PRKG1: variants seen among roughly 807,000 people sequenced by gnomAD.
The protein encoded by PRKG1 is protein kinase cGMP-dependent 1.
PRKG1 carries 35 observed loss-of-function variants against 88.1 expected under a neutral mutation model. That is an observed-to-expected ratio of 0.40 (90% CI 0.30 to 0.53). The LOEUF is 0.53. Ranked by LOEUF, PRKG1 falls within the 20% of genes least tolerant of loss-of-function variation. The pLI, the probability that PRKG1 is intolerant of heterozygous loss-of-function variation, is 0.59. For synonymous variants in PRKG1, 303 were observed against 292.5 expected, an observed-to-expected ratio of 1.04 and a Z score of -0.37; for missense variants, 540 against 839.8, an observed-to-expected ratio of 0.64 and a Z score of 4.41.
At chr10:51,370,270 A>C (rs910119439) in intron 2 of PRKG1, among the ~76,000 whole-genome samples, 1 of 152,070 alleles carries the variant, frequency 6.6e-6, no homozygotes, top group African/African-American at 2.4e-5. Flanking sequence ...CCCCACAGGT[A>C]CTTTTTTCTT....
chr10:51,152,469 C>T (rs141347410), intron 1 of PRKG1, among the ~76,000 whole-genome samples: 1 of 151,966 alleles, frequency 6.6e-6, no homozygotes, highest in Admixed American at 6.6e-5. Flanking sequence ...CTTTTTTAAT[C>T]CAAAATATTA....
chr10:51,858,262 T>TA (rs1436159559), intron 4 of PRKG1, among the ~76,000 whole-genome samples: 2 of 19,192 alleles, frequency 1.0e-4, no homozygotes, highest in South Asian at 1.9e-3. Flanking sequence ...ATTATACATA[T>TA]ATATAATATT....
rs1303140736 is a variant in PRKG1, at chr10:50,991,374, A to G, written c.-5A>G. ...AAAAGTTTCGCGGAGGGGCTCAGTG[A>G]AAAAATGAGCGAGCTAGAGGAAGAC... On this transcript the variant is annotated 5_prime_UTR_variant, in exon 1 of 18. Coordinates refer to the PRKG1 transcript ENST00000401604. This position sits in a 1 kb window ranked among gnomAD's most constrained non-coding sequence, Gnocchi z 4.5. The G allele has an allele frequency of 6.6e-7, 1 of 1,523,468 alleles. No homozygotes were observed. The highest frequency in any genetic ancestry group is 2.1e-5 in the Admixed American group (1 of 47,888). 94.4% of individuals were successfully genotyped at this position (1,523,468 alleles called of 1,614,324 possible). A position where few individuals can be genotyped will look rare whatever the true frequency, so the allele number is the denominator to read the frequency against.
intron 2 of PRKG1, among the ~76,000 whole-genome samples, chr10:51,285,420 C>A (rs1226885865): frequency 1.3e-5 from 2 of 152,064 alleles, no homozygotes; most frequent in African/African-American, 4.8e-5. Flanking sequence ...TTGGCTCAGC[C>A]CTCATTAATA....
chr10:51,706,154 A>G (rs1245968911), intron 3 of PRKG1, among the ~76,000 whole-genome samples: 1 of 152,240 alleles, frequency 6.6e-6, no homozygotes, highest in East Asian at 1.9e-4. Flanking sequence ...TAAAGCATCC[A>G]GTTAGTTAAA....
At chr10:52,136,740 A>G (rs4935310) in intron 8 of PRKG1, among the ~76,000 whole-genome samples, 58,681 of 151,890 alleles carry the variant, frequency 0.39, 12,023 homozygotes, top group East Asian at 0.65. Flanking sequence ...TGAAGTAAGC[A>G]CTAAATAAAT....
intron 9 of PRKG1, among the ~76,000 whole-genome samples, chr10:52,238,884 C>T (rs368023685): frequency 1.4e-4 from 20 of 146,230 alleles, no homozygotes; most frequent in South Asian, 1.1e-3. Context: ...ATGTTTATTG[C>T]GGCACTATTC....
intron 3 of PRKG1, among the ~76,000 whole-genome samples, chr10:51,575,337 A>G (rs1837858971): frequency 6.6e-6 from 1 of 151,970 alleles, no homozygotes; most frequent in African/African-American, 2.4e-5. Flanking sequence ...AGTAAGACCA[A>G]CACCACACTG....
At chr10:51,933,669 T>A (rs2133010480) in intron 5 of PRKG1, among the ~76,000 whole-genome samples, 1 of 152,208 alleles carries the variant, frequency 6.6e-6, no homozygotes, top group East Asian at 1.9e-4. Context: ...CAAAAAAATT[T>A]GTGCCTTAGG....
chr10:51,686,099 A>G (rs1453011045), intron 3 of PRKG1, among the ~76,000 whole-genome samples: 1 of 152,134 alleles, frequency 6.6e-6, no homozygotes, highest in Non-Finnish European at 1.5e-5. Flanking sequence ...ACCCGGAATA[A>G]TCCAGCTTGA....
At chr10:51,526,890 A>T (rs1841898061) in intron 3 of PRKG1, among the ~76,000 whole-genome samples, 4 of 152,200 alleles carry the variant, frequency 2.6e-5, no homozygotes, top group Admixed American at 2.6e-4. Context: ...TCTAGTGGGA[A>T]TATAATTATG....
chr10:51,573,001 C>A (rs1361819647), intron 3 of PRKG1, among the ~76,000 whole-genome samples: 1 of 151,822 alleles, frequency 6.6e-6, no homozygotes, highest in Admixed American at 6.6e-5. Flanking sequence ...AAGTAGTATT[C>A]TTAAGATTTA....
chr10:51,139,026 A>G (rs1157890546), intron 1 of PRKG1, among the ~76,000 whole-genome samples: 1 of 152,024 alleles, frequency 6.6e-6, no homozygotes, highest in Non-Finnish European at 1.5e-5. Context: ...GTGTAAACTT[A>G]CCACAGTAAG....
upstream of PRKG1, chr10:51,074,353 G>T: frequency 9.6e-7 from 1 of 1,045,404 alleles, no homozygotes; most frequent in Non-Finnish European, 1.3e-6. Flanking sequence ...CTGCTGGTTT[G>T]CTCTCCCCGC....
chr10:52,196,823 C>T (rs571202113), intron 9 of PRKG1, among the ~76,000 whole-genome samples: 257 of 152,072 alleles, frequency 1.7e-3, no homozygotes, highest in African/African-American at 5.9e-3. Flanking sequence ...ATTTCAAAAC[C>T]TCTTTGAAAT....
chr10:51,064,426 C>A (rs1843725794), intron 1 of PRKG1, among the ~76,000 whole-genome samples: 1 of 152,072 alleles, frequency 6.6e-6, no homozygotes, highest in Non-Finnish European at 1.5e-5. Context: ...TGTTTAGACA[C>A]TGAAGCAGCA....
At chr10:52,106,466 G>A (rs1319591958) in intron 7 of PRKG1, among the ~76,000 whole-genome samples, 3 of 151,998 alleles carry the variant, frequency 2.0e-5, no homozygotes, top group Non-Finnish European at 2.9e-5. Context: ...AGTAACTTAT[G>A]TATATTAAAT....
intron 3 of PRKG1, among the ~76,000 whole-genome samples, chr10:51,660,294 G>T (rs997152130): frequency 2.0e-5 from 3 of 151,792 alleles, no homozygotes; most frequent in Admixed American, 6.6e-5. Context: ...CGGCAGCACC[G>T]CCACCTTCAT....
intron 2 of PRKG1, among the ~76,000 whole-genome samples, chr10:51,367,692 A>C (rs1842619106): frequency 6.6e-6 from 1 of 151,964 alleles, no homozygotes; most frequent in Non-Finnish European, 1.5e-5. Flanking sequence ...GAGTAGAAGA[A>C]CTTCAAAGTC....
Sources: gnomAD v4.1 joint callset for allele counts (sites outside exome capture counted in the v4.1 genomes callset) on GRCh38, gnomAD v4.1.1 for gene constraint, Gnocchi (gnomAD v3.1) non-coding constraint, MANE v1.5 for transcripts, NCBI Gene and HGNC (gene_info 2026-07-23, HGNC 2026-07-21) for gene names.